The following JMJD1C variants were observed in gnomAD, a reference collection of about 807,000 sequenced individuals.
JMJD1C encodes jumonji domain containing 1C.
Under a neutral mutation model 245.3 loss-of-function variants are expected in JMJD1C, and 31 were observed. The observed-to-expected ratio is 0.13, with a 90% CI of 0.09 to 0.17. The LOEUF is 0.17. Ranked by LOEUF, JMJD1C falls within the 10% of genes least tolerant of loss-of-function variation. The pLI, the probability that JMJD1C is intolerant of heterozygous loss-of-function variation, is 1.00. For missense variants in JMJD1C, 2,691 were observed against 3,000.2 expected, an observed-to-expected ratio of 0.90 and a Z score of 2.41; for synonymous variants, 1,057 against 1,017.4, an observed-to-expected ratio of 1.04 and a Z score of -0.74.
intron 2 of JMJD1C, among the ~76,000 whole-genome samples, chr10:63,309,677 G>A (rs1027652174): frequency 6.6e-6 from 1 of 152,116 alleles, no homozygotes; most frequent in East Asian, 1.9e-4. Flanking sequence ...CCAGCACTTT[G>A]GGAGGCCAAG....
intron 2 of JMJD1C, among the ~76,000 whole-genome samples, chr10:63,277,138 C>G (rs1352657222): frequency 6.6e-6 from 1 of 151,932 alleles, no homozygotes; most frequent in Non-Finnish European, 1.5e-5. Context: ...GCCTCGGCCT[C>G]TCAAAGTGCT....
In JMJD1C at chr10:63,376,535, T is replaced by C. The variant is rs1348474125; in HGVS notation, c.333+3783A>G. 5.9e-5 allele frequency among the ~76,000 whole-genome samples: 9 copies of C among 151,972 alleles called. No homozygotes were observed. In the East Asian group the frequency reaches 1.5e-3, roughly 26 times the overall value. ...ACCAAATCATGTATCTAAAAGGGGA[T>C]TAATATCAAGAATACATAGAGAAAT... On this transcript the variant is annotated intron_variant, in intron 2 of 25. Coordinates refer to ENST00000399262, the MANE Select transcript of JMJD1C (RefSeq NM_032776.3).
At chr10:63,185,678 A>G (rs1844046100) in intron 19 of JMJD1C, 25 bp from the exon 20 acceptor site, 12 of 1,294,860 alleles carry the variant, frequency 9.3e-6, no homozygotes, top group Non-Finnish European at 1.3e-5. Context: ...GTTAATTACT[A>G]AAAGGGTAAT....
At chr10:63,287,748 TTC>T (rs1263165644) in intron 2 of JMJD1C, among the ~76,000 whole-genome samples, 1 of 152,000 alleles carries the variant, frequency 6.6e-6, no homozygotes, top group Non-Finnish European at 1.5e-5. Context: ...AGATTAGATT[TTC>T]TTTTTCTTTT....
rs34776341 is a variant in JMJD1C at position 63,488,541 on chromosome 10, T to TAA, written n.113+33195_113+33196dup. 6.9e-3 allele frequency among the ~76,000 whole-genome samples: 1,027 copies of TAA among 149,196 alleles called. 10 individuals are homozygous for TAA. Among genetic ancestry groups the TAA allele is most frequent in the African/African-American group, 0.023 (951 of 40,886 alleles). On this transcript the variant is annotated intron_variant and non_coding_transcript_variant, in intron 1 of 3. Transcript: ENST00000633035. ...TTCAAAATGAGTTGAAAATGAATGT[T>TAA]AAAAAAAAAAAACTGTACTATATTT...
rs187824008 is a variant in JMJD1C, at chr10:63,272,414, G to C, written c.334-7650C>G. 2.8e-4 allele frequency among the ~76,000 whole-genome samples: 43 copies of C among 152,186 alleles called. No individual in the cohort carries two copies. In the East Asian group the frequency reaches 7.0e-3, roughly 25 times the overall value. On this transcript the variant is annotated intron_variant, in intron 2 of 25. Transcript: ENST00000399262. ...TTACAGGTGCACGCCACCACGCCCA[G>C]CTAATTTTGTGTTTTTAGTAGAGAC... is the stretch of plus-strand genomic sequence containing the variant.
intron 1 of JMJD1C, among the ~76,000 whole-genome samples, chr10:63,443,584 T>C (rs1951520031): frequency 6.6e-6 from 1 of 152,216 alleles, no homozygotes. Context: ...AGTACTGGGA[T>C]TACAGGCGTG....
chr10:63,218,652 T>G lies in JMJD1C; in HGVS notation c.553+1226A>C, dbSNP rs191612157. Among the ~76,000 whole-genome samples the G allele has an allele frequency of 1.2e-4, 19 of 152,216 alleles. No individual in the cohort carries two copies. In the East Asian group the frequency reaches 2.5e-3, roughly 20 times the overall value. Reference sequence around the variant, plus strand: ...CTCACACAATTCTGCATAGAATGAATAGGGACTATACTGCCCCTTAATCTT... The same window carrying G: ...CTCACACAATTCTGCATAGAATGAAGAGGGACTATACTGCCCCTTAATCTT... On this transcript the variant is annotated intron_variant, in intron 4 of 25. Transcript: ENST00000399262.
At chr10:63,198,387 A>G (rs974328016) in intron 12 of JMJD1C, 126 bp downstream of exon 12, 12 of 643,218 alleles carry the variant, frequency 1.9e-5, no homozygotes, top group Non-Finnish European at 3.3e-5. Flanking sequence ...ATACTGTAAA[A>G]AGGTATCATT....
chr10:63,390,328 G>C (rs1262288603), intron 1 of JMJD1C, among the ~76,000 whole-genome samples: 1 of 151,998 alleles, frequency 6.6e-6, no homozygotes. Flanking sequence ...GATTGAATCA[G>C]GAAGAAATAG....
intron 3 of JMJD1C, among the ~76,000 whole-genome samples, chr10:63,248,389 C>T (rs1299078423): frequency 3.9e-5 from 6 of 151,962 alleles, no homozygotes; most frequent in African/African-American, 1.5e-4. Context: ...GGCGTGGTGG[C>T]AGGTGCCTGT....
intron 1 of JMJD1C, among the ~76,000 whole-genome samples, chr10:63,415,347 T>C (rs532328970): frequency 1.5e-4 from 23 of 152,294 alleles, no homozygotes; most frequent in South Asian, 1.0e-3. Context: ...AAAGTACCAA[T>C]ATGAAAGATT....
intron 1 of JMJD1C, among the ~76,000 whole-genome samples, chr10:63,471,995 C>T (rs1401250679): frequency 6.6e-6 from 1 of 152,108 alleles, no homozygotes; most frequent in Non-Finnish European, 1.5e-5. Context: ...GCTGAGATTG[C>T]ACCACTGCAC....
intron 2 of JMJD1C, chr10:63,269,223 G>C (rs1347644343): frequency 1.0e-6 from 1 of 985,266 alleles, no homozygotes; most frequent in Non-Finnish European, 1.2e-6. Context: ...ATGAGAACGA[G>C]TACTTGGCTT....
intron 2 of JMJD1C, among the ~76,000 whole-genome samples, chr10:63,265,489 G>C (rs1373010847): frequency 6.6e-6 from 1 of 152,084 alleles, no homozygotes; most frequent in Non-Finnish European, 1.5e-5. Flanking sequence ...TCTTGGGTGG[G>C]GATGACAGGG....
intron 1 of JMJD1C, among the ~76,000 whole-genome samples, chr10:63,402,610 C>T (rs1046927441): frequency 2.0e-5 from 3 of 152,108 alleles, no homozygotes; most frequent in African/African-American, 7.2e-5. Context: ...TATCATGTTG[C>T]ACTAAAGTAT....
intron 2 of JMJD1C, among the ~76,000 whole-genome samples, chr10:63,371,745 C>T (rs1450330038): frequency 1.3e-5 from 2 of 152,102 alleles, no homozygotes; most frequent in Non-Finnish European, 1.5e-5. Context: ...TGAACTCGTT[C>T]ATTGCAATAC....
At chr10:63,359,480 A>AT (rs771637177) in intron 2 of JMJD1C, among the ~76,000 whole-genome samples, 59 of 152,192 alleles carry the variant, frequency 3.9e-4, no homozygotes, top group Non-Finnish European at 7.8e-4. Context: ...AACTGGTTTT[A>AT]TTTCCCTTGT....
chr10:63,262,116 C>G (rs1437805262), intron 3 of JMJD1C, among the ~76,000 whole-genome samples: 1 of 152,170 alleles, frequency 6.6e-6, no homozygotes, highest in Non-Finnish European at 1.5e-5. Context: ...CCAAACTCCC[C>G]TTGACTTACA....
Sources: gnomAD v4.1 joint callset for allele counts (sites outside exome capture counted in the v4.1 genomes callset) on GRCh38, gnomAD v4.1.1 for gene constraint, MANE v1.5 for transcripts, NCBI Gene and HGNC (gene_info 2026-07-23, HGNC 2026-07-21) for gene names.